The following TC2N variants were observed in gnomAD, a reference collection of about 807,000 sequenced individuals.
TC2N encodes tandem C2 domains nuclear protein.
Under a neutral mutation model 61.9 loss-of-function variants are expected in TC2N, and 51 were observed. The ratio of observed to expected loss-of-function variants is 0.82; its 90% CI spans 0.66 to 1.04. The LOEUF is 1.04. Ranked by LOEUF, TC2N falls within the 50% of genes least tolerant of loss-of-function variation. TC2N has a pLI of 0.00. For synonymous variants in TC2N, 204 were observed against 192.6 expected (o/e 1.06, Z -0.49); for missense variants, 556 against 566.7 (o/e 0.98, Z 0.19).
At position 91,783,698 on chromosome 14, in the gene TC2N, C is replaced by G. The variant is rs553200226; in HGVS notation, c.1363-488G>C. 3.3e-5 allele frequency among the ~76,000 whole-genome samples: 5 copies of G among 152,142 alleles called. No individual in the cohort carries two copies. In the East Asian group the frequency reaches 9.6e-4, roughly 29 times the overall value. On this transcript the variant is annotated intron_variant, in intron 11 of 11. Transcript: ENST00000435962. ...AGTCATTCTTGATCAATAGTAATTT[C>G]ATAGTACCCATCACTTATGTAACTT...
At chr14:91,816,167 A>G (rs1886993224) in intron 1 of TC2N, among the ~76,000 whole-genome samples, 2 of 151,776 alleles carry the variant, frequency 1.3e-5, no homozygotes, top group African/African-American at 4.8e-5. Flanking sequence ...TGGGGCCAAA[A>G]GGTGTATATG....
intron 3 of TC2N, among the ~76,000 whole-genome samples, chr14:91,810,939 A>G (rs1441683796): frequency 6.6e-6 from 1 of 152,144 alleles, no homozygotes; most frequent in African/African-American, 2.4e-5. Context: ...GGAATCCCAG[A>G]AGCAGAAAAG....
chr14:91,862,388 C>T (rs541615653), intron 1 of TC2N, among the ~76,000 whole-genome samples: 1 of 150,936 alleles, frequency 6.6e-6, no homozygotes, highest in African/African-American at 2.4e-5. Context: ...AGCATGGATT[C>T]AGAGTTTGAG....
intron 1 of TC2N, among the ~76,000 whole-genome samples, chr14:91,831,088 G>T (rs117165238): frequency 2.0e-5 from 3 of 152,206 alleles, no homozygotes; most frequent in East Asian, 1.9e-4. Flanking sequence ...AGACTTAAAG[G>T]CTCCTTTAGT....
chr14:91,846,446 C>A (rs1469179080), intron 1 of TC2N, among the ~76,000 whole-genome samples: 4 of 152,042 alleles, frequency 2.6e-5, no homozygotes, highest in African/African-American at 9.7e-5. Flanking sequence ...TGCCTGGTGA[C>A]AAGTCCTCGG....
intron 1 of TC2N, among the ~76,000 whole-genome samples, chr14:91,851,754 A>G (rs1336618387): frequency 6.6e-6 from 1 of 152,200 alleles, no homozygotes; most frequent in East Asian, 1.9e-4. Flanking sequence ...CATTCAGCAT[A>G]TGGGCAAACA....
chr14:91,822,125 G>A (rs1887282529), intron 1 of TC2N, among the ~76,000 whole-genome samples: 2 of 152,150 alleles, frequency 1.3e-5, no homozygotes, highest in Non-Finnish European at 2.9e-5. Context: ...CCTGCTACAT[G>A]ATCCAGACAT....
At chr14:91,785,091 T>C in intron 11 of TC2N, 71 bp downstream of exon 11, 2 of 1,039,942 alleles carry the variant, frequency 1.9e-6, no homozygotes, top group African/African-American at 3.2e-5. Context: ...AATATTATCC[T>C]GTATTCCCTT....
chr14:91,804,600 G>A (rs1886419817), intron 3 of TC2N, among the ~76,000 whole-genome samples: 1 of 152,132 alleles, frequency 6.6e-6, no homozygotes, highest in African/African-American at 2.4e-5. Flanking sequence ...TAAAACTACT[G>A]ACAATTACTT....
chr14:91,857,607 A>C (rs1436635727), intron 1 of TC2N, among the ~76,000 whole-genome samples: 1 of 152,234 alleles, frequency 6.6e-6, no homozygotes, highest in Admixed American at 6.5e-5. Flanking sequence ...GAGAAAAGTG[A>C]GGCTCAAAGA....
At chr14:91,812,270 T>A in intron 3 of TC2N, 42 bp downstream of exon 3, 1 of 1,096,202 alleles carries the variant, frequency 9.1e-7, no homozygotes, top group Non-Finnish European at 1.3e-6. Context: ...AGCACTTAAA[T>A]GCTACATATC....
chr14:91,854,333 AC>A (rs1285152428), intron 1 of TC2N, among the ~76,000 whole-genome samples: 2 of 151,002 alleles, frequency 1.3e-5, no homozygotes, highest in Non-Finnish European at 3.0e-5. Context: ...TTAGAAATGT[AC>A]GAGGATAAGA....
chr14:91,827,316 A>G, intron 1 of TC2N, among the ~76,000 whole-genome samples: 1 of 152,218 alleles, frequency 6.6e-6, no homozygotes, highest in East Asian at 1.9e-4. Context: ...GAAGTCTGAA[A>G]TGGGTTTCAC....
chr14:91,860,388 C>T (rs1888566981), intron 1 of TC2N, among the ~76,000 whole-genome samples: 1 of 151,184 alleles, frequency 6.6e-6, no homozygotes, highest in Admixed American at 6.6e-5. Flanking sequence ...GTTTTCTTTT[C>T]ATTGCAGGAC....
chr14:91,802,180 C>T (rs539659968), intron 4 of TC2N, 74 bp downstream of exon 4: 77 of 1,313,142 alleles, frequency 5.9e-5, no homozygotes, highest in Non-Finnish European at 7.1e-5. Flanking sequence ...ATCATTTATT[C>T]CCATATCTTA....
intron 3 of TC2N, 27 bp from the exon 4 acceptor site, chr14:91,802,448 A>G (rs773796240): frequency 1.9e-6 from 3 of 1,604,912 alleles, no homozygotes; most frequent in Admixed American, 1.7e-5. Flanking sequence ...CTAAAAGTTT[A>G]TAACATCCTT....
intron 3 of TC2N, among the ~76,000 whole-genome samples, chr14:91,809,743 C>G (rs574016870): frequency 6.6e-5 from 10 of 152,114 alleles, no homozygotes; most frequent in Non-Finnish European, 1.0e-4. Flanking sequence ...ATCAGAGCTG[C>G]AGGAAAGTAA....
intron 11 of TC2N, 111 bp from the exon 12 acceptor site, chr14:91,783,321 T>C (rs1050269060): frequency 1.8e-5 from 10 of 565,930 alleles, no homozygotes; most frequent in African/African-American, 1.6e-4. Context: ...GCTTTACATA[T>C]TTTAAATTAA....
chr14:91,810,775 C>T (rs1886727281), intron 3 of TC2N, among the ~76,000 whole-genome samples: 1 of 150,734 alleles, frequency 6.6e-6, no homozygotes, highest in Non-Finnish European at 1.5e-5. Context: ...CATGAATAGG[C>T]TTAACAGCAG....
Sources: allele counts gnomAD v4.1 joint callset (sites outside exome capture counted in the v4.1 genomes callset), GRCh38; gene constraint gnomAD v4.1.1; transcripts MANE v1.5; gene names NCBI Gene and HGNC (gene_info 2026-07-23, HGNC 2026-07-21).